DNAH12: variants seen among roughly 807,000 people sequenced by gnomAD.
DNAH12 encodes dynein axonemal heavy chain 12.
DNAH12 carries 285 observed loss-of-function variants against 371.5 expected under a neutral mutation model. The observed-to-expected ratio is 0.77, with a 90% CI of 0.70 to 0.85. DNAH12 has a LOEUF of 0.85. Among genes scored for constraint, DNAH12 ranks in the 40% least tolerant of loss-of-function variants. DNAH12 has a pLI of 0.00. For missense variants in DNAH12, 3,611 were observed against 3,689.4 expected (o/e 0.98, Z 0.55); for synonymous variants, 1,200 against 1,213.0 (o/e 0.99, Z 0.22).
At chr3:57,381,643 G>GGTCA (rs1393530679) in intron 50 of DNAH12, among the ~76,000 whole-genome samples, 1 of 151,894 alleles carries the variant, frequency 6.6e-6, no homozygotes, top group Non-Finnish European at 1.5e-5. Context: ...CCTTAACCAA[G>GGTCA]GTCACACTGC....
In DNAH12 at chr3:57,508,382, C is replaced by G; in HGVS notation, c.701G>C (p.Arg234Thr). 1.9e-6 allele frequency: 3 copies of G among 1,592,348 alleles called. No individual in the cohort carries two copies. Among genetic ancestry groups the G allele is most frequent in the Non-Finnish European group, 2.6e-6 (3 of 1,172,850 alleles). Residue 234 changes from arginine to threonine, a missense_variant and splice_region_variant, in exon 7 of 74, where the codon AGA (arginine) becomes ACA (threonine). By Grantham distance (71) the Arg-to-Thr change is moderately conservative (BLOSUM62 -1). Transcript: ENST00000495027. The part of the protein sequence containing the change: ...DTVLLDFTGI[R>T]AKGPIDCESL... ...AATTTTAAATTAAACGGGATTTTAC[C>G]TAATTCCTGTGAAGTCCAACAAAAC...
chr3:57,449,832 C>T (rs2065693950), intron 25 of DNAH12, among the ~76,000 whole-genome samples: 1 of 152,200 alleles, frequency 6.6e-6, no homozygotes, highest in South Asian at 2.1e-4. Context: ...TCAAGTGCCG[C>T]CAAAGTGGGA....
intron 25 of DNAH12, among the ~76,000 whole-genome samples, chr3:57,447,284 T>A (rs2065536787): frequency 6.6e-6 from 1 of 152,202 alleles, no homozygotes; most frequent in Non-Finnish European, 1.5e-5. Context: ...CATCAATTAG[T>A]CTTTAAAGTG....
intron 11 of DNAH12, among the ~76,000 whole-genome samples, chr3:57,499,647 A>ATATATATAT (rs1553711615): frequency 2.2e-4 from 4 of 17,960 alleles, no homozygotes; most frequent in African/African-American, 8.3e-4. Context: ...AAAAAAAAAA[A>ATATATATAT]ATATATATAT....
intron 11 of DNAH12, among the ~76,000 whole-genome samples, chr3:57,499,644 AAAAATATATAT>A (rs1352524538): frequency 4.9e-5 from 2 of 40,762 alleles, no homozygotes; most frequent in Non-Finnish European, 1.0e-4. Flanking sequence ...AAAAAAAAAA[AAAAATATATAT>A]ATATATATAT....
At chr3:57,399,038 G>A (rs988148336) in intron 43 of DNAH12, among the ~76,000 whole-genome samples, 6 of 152,140 alleles carry the variant, frequency 3.9e-5, no homozygotes, top group Admixed American at 6.5e-5. Context: ...AAATGGGGGA[G>A]GGGTGGAGCT....
chr3:57,535,871 TC>T (rs1466124637), intron 2 of DNAH12, among the ~76,000 whole-genome samples: 1 of 145,044 alleles, frequency 6.9e-6, no homozygotes, highest in Admixed American at 7.0e-5. Context: ...AGAGTCTAGC[TC>T]TATTGCCCAG....
chr3:57,402,531 A>G (rs2063902645), intron 43 of DNAH12: 5 of 906,010 alleles, frequency 5.5e-6, no homozygotes, highest in Non-Finnish European at 6.3e-6. Context: ...TTTATCTGAA[A>G]TAAGTCCTCT....
chr3:57,446,489 G>C, intron 26 of DNAH12, 48 bp downstream of exon 26: 1 of 1,492,536 alleles, frequency 6.7e-7, no homozygotes, highest in Non-Finnish European at 8.9e-7. Context: ...ATTAGACCTA[G>C]CTGTAAGTTT....
In DNAH12 at chr3:57,403,511, A is replaced by G; in HGVS notation, c.6756-10T>C. 1 of 1,534,572 alleles carries G rather than the reference A, an allele frequency of 6.5e-7. No individual in the cohort carries two copies. Among genetic ancestry groups the G allele is most frequent in the South Asian group, 1.2e-5 (1 of 80,810 alleles). On this transcript the variant is annotated splice_polypyrimidine_tract_variant and intron_variant, in intron 42 of 73. Coordinates refer to ENST00000495027, the MANE Select transcript of DNAH12 (RefSeq NM_001366028.2). ...ATGTTCCAAAACATACCTACCACAAAAGAAAAATTTTATTAATGCATTACA... is the reference window on the plus strand; with the variant it reads ...ATGTTCCAAAACATACCTACCACAAGAGAAAAATTTTATTAATGCATTACA...
At chr3:57,465,337 TA>T (rs1478236339) in intron 17 of DNAH12, among the ~76,000 whole-genome samples, 3 of 152,174 alleles carry the variant, frequency 2.0e-5, no homozygotes, top group Non-Finnish European at 4.4e-5. Flanking sequence ...AATGTTTCTC[TA>T]AAATAAGAAA....
intron 43 of DNAH12, among the ~76,000 whole-genome samples, chr3:57,394,635 T>C (rs1027025288): frequency 0.45 from 68,496 of 151,960 alleles, 16,438 homozygotes; most frequent in East Asian, 0.61. Context: ...ACAGAGAGAA[T>C]CCTGGCTGTT....
intron 65 of DNAH12, among the ~76,000 whole-genome samples, chr3:57,317,076 A>G (rs1319535835): frequency 6.6e-6 from 1 of 152,164 alleles, no homozygotes; most frequent in Non-Finnish European, 1.5e-5. Context: ...ACTAACTGAA[A>G]TCTGCTGGTG....
rs1370227325 is a variant in DNAH12 at position 57,309,793 on chromosome 3, T to C, written c.10958A>G (p.Lys3653Arg). 1 of 1,551,516 alleles carries C rather than the reference T, an allele frequency of 6.4e-7. No individual in the cohort carries two copies. The highest frequency in any genetic ancestry group is 8.7e-7 in the Non-Finnish European group (1 of 1,146,874). The change falls in exon 68 of 74, where the codon AAG becomes AGG. Residue 3653 changes from lysine to arginine, a missense_variant. Lys to Arg is a conservative substitution (Grantham distance 26). This residue lies in a region of DNAH12 where 2,266 missense variants were observed against 2,236.9 expected (regional missense o/e 1.01). Transcript: ENST00000495027. ...GAGGGTTTTTGTTTGTTGAAGATCC[T>C]TGGAGATGTCAACGTTTTCATGTAA... Reference protein sequence around the residue: ...FGLHENVDISKDLQQTKTLFE... With the variant: ...FGLHENVDISRDLQQTKTLFE...
intron 59 of DNAH12, among the ~76,000 whole-genome samples, chr3:57,354,301 C>T (rs2062746633): frequency 6.6e-6 from 1 of 152,012 alleles, no homozygotes; most frequent in Non-Finnish European, 1.5e-5. Context: ...ACTGAGTACA[C>T]ATGGACACAA....
At position 57,529,547 on chromosome 3, in the gene DNAH12, T is replaced by C. The variant is rs141273295; in HGVS notation, c.171-5663A>G. 2.4e-3 allele frequency among the ~76,000 whole-genome samples: 372 copies of C among 152,352 alleles called. 1 individual carries two copies. Among genetic ancestry groups the C allele is most frequent in the Non-Finnish European group, 3.9e-3 (266 of 68,024 alleles). ...TACAGTTGCTCATCATAGCCACTAATGATCCTTTGAATTTCTGCAGTATCA... is the reference window on the plus strand; with the variant it reads ...TACAGTTGCTCATCATAGCCACTAACGATCCTTTGAATTTCTGCAGTATCA... On this transcript the variant is annotated intron_variant, in intron 2 of 73. Coordinates refer to ENST00000495027, the MANE Select transcript of DNAH12 (RefSeq NM_001366028.2).
chr3:57,354,538 T>TAAAAAAA (rs1372789364), intron 59 of DNAH12, among the ~76,000 whole-genome samples: 1 of 52,904 alleles, frequency 1.9e-5, no homozygotes, highest in Non-Finnish European at 4.4e-5. Flanking sequence ...TCTTGTTTGC[T>TAAAAAAA]AAAAAAAAAA....
intron 2 of DNAH12, among the ~76,000 whole-genome samples, chr3:57,532,540 A>T (rs1329232122): frequency 6.6e-6 from 1 of 152,214 alleles, no homozygotes; most frequent in Non-Finnish European, 1.5e-5. Flanking sequence ...TATCTGCATT[A>T]GGGGGCACCC....
intron 57 of DNAH12, among the ~76,000 whole-genome samples, chr3:57,365,687 T>C (rs2063035232): frequency 6.6e-6 from 1 of 152,162 alleles, no homozygotes. Context: ...ACAGAGATAA[T>C]TACTTTAACA....
Sources: allele counts gnomAD v4.1 joint callset (sites outside exome capture counted in the v4.1 genomes callset), GRCh38; gene constraint gnomAD v4.1.1; regional missense constraint gnomAD v4.1.1; transcripts MANE v1.5; gene names NCBI Gene and HGNC (gene_info 2026-07-23, HGNC 2026-07-21).